PROM1: variants seen among roughly 807,000 people sequenced by gnomAD.
The protein encoded by PROM1 is prominin-1.
In PROM1, 105 loss-of-function variants were observed where a neutral mutation model predicts 116.9. The ratio of observed to expected loss-of-function variants is 0.90; its 90% CI spans 0.77 to 1.06. The LOEUF (loss-of-function observed/expected upper bound fraction) is 1.06. Ranked by LOEUF, PROM1 falls within the 50% of genes least tolerant of loss-of-function variation. PROM1 has a pLI of 0.00. For synonymous variants in PROM1, 393 were observed against 387.0 expected, an observed-to-expected ratio of 1.02 and a Z score of -0.18; for missense variants, 1,122 against 1,045.2, an observed-to-expected ratio of 1.07 and a Z score of -1.01.
chr4:16,041,781 A>T (rs58371353), intron 2 of PROM1, among the ~76,000 whole-genome samples: 1,749 of 56,254 alleles, frequency 0.031, 29 homozygotes, highest in African/African-American at 0.052. Context: ...TAAATAAATA[A>T]ATAAATATAT....
chr4:16,052,127 A>C (rs1439590110), intron 2 of PROM1, among the ~76,000 whole-genome samples: 1 of 152,174 alleles, frequency 6.6e-6, no homozygotes, highest in African/African-American at 2.4e-5. Context: ...CAGTGTGGAG[A>C]TGAAAAGGAA....
chr4:16,058,604 G>A (rs1301337749), intron 2 of PROM1, among the ~76,000 whole-genome samples: 1 of 149,596 alleles, frequency 6.7e-6, no homozygotes, highest in Non-Finnish European at 1.5e-5. Context: ...CCAAGATCAC[G>A]CCACTGCACT....
At chr4:16,042,336 C>A (rs969106080) in intron 2 of PROM1, among the ~76,000 whole-genome samples, 29 of 152,136 alleles carry the variant, frequency 1.9e-4, no homozygotes, top group Admixed American at 1.8e-3. Flanking sequence ...AATATGTCCA[C>A]ATTTGGGAGA....
chr4:16,060,926 C>T (rs1445313833), intron 2 of PROM1, among the ~76,000 whole-genome samples: 2 of 152,150 alleles, frequency 1.3e-5, no homozygotes, highest in Admixed American at 1.3e-4. Flanking sequence ...CTTCTCATTT[C>T]GGGTATACCC....
intron 10 of PROM1, among the ~76,000 whole-genome samples, chr4:16,013,731 G>A (rs891420734): frequency 4.0e-5 from 6 of 150,900 alleles, no homozygotes; most frequent in Admixed American, 3.9e-4. Flanking sequence ...GTTGTGGGGT[G>A]CTGCTGGGAT....
chr4:16,065,429 C>A (rs2149530773), intron 2 of PROM1, among the ~76,000 whole-genome samples: 1 of 152,092 alleles, frequency 6.6e-6, no homozygotes, highest in East Asian at 1.9e-4. Flanking sequence ...CTCTGATTGC[C>A]CCCACCATGA....
At chr4:15,976,533 G>A (rs1716176018) in intron 26 of PROM1, among the ~76,000 whole-genome samples, 2 of 152,210 alleles carry the variant, frequency 1.3e-5, no homozygotes, top group Non-Finnish European at 2.9e-5. Flanking sequence ...CTCACGTGGT[G>A]GCATAAGACA....
intron 8 of PROM1, among the ~76,000 whole-genome samples, chr4:16,021,098 C>CAAAAAA (rs34850856): frequency 3.1e-5 from 4 of 130,068 alleles, no homozygotes; most frequent in South Asian, 2.5e-4. Context: ...CATTTTTAGC[C>CAAAAAA]AAAAAAAAAA....
At chr4:16,034,807 G>A (rs1447334769) in intron 4 of PROM1, among the ~76,000 whole-genome samples, 1 of 152,216 alleles carries the variant, frequency 6.6e-6, no homozygotes, top group Non-Finnish European at 1.5e-5. Flanking sequence ...TCTTGGAGGA[G>A]AGACCTGCTT....
chr4:15,986,081 A>C (rs1176625856), intron 20 of PROM1, 44 bp from the exon 21 acceptor site: 7 of 1,362,726 alleles, frequency 5.1e-6, no homozygotes, highest in Non-Finnish European at 7.1e-6. Context: ...AGTCATAGAA[A>C]GTTTTAATTA....
At chr4:15,983,231 T>G (rs778144058) in intron 23 of PROM1, among the ~76,000 whole-genome samples, 1 of 152,022 alleles carries the variant, frequency 6.6e-6, no homozygotes, top group African/African-American at 2.4e-5. Context: ...AAAAAAGACA[T>G]GTTTGAGCTA....
At chr4:15,990,241 C>T (rs1026507621) in intron 18 of PROM1, among the ~76,000 whole-genome samples, 5 of 152,204 alleles carry the variant, frequency 3.3e-5, no homozygotes, top group South Asian at 4.1e-4. Context: ...GATGAGGAAA[C>T]TAAGGCAGAA....
chr4:16,031,353 A>G (rs1732657714), intron 5 of PROM1, among the ~76,000 whole-genome samples: 1 of 152,052 alleles, frequency 6.6e-6, no homozygotes, highest in Non-Finnish European at 1.5e-5. Context: ...CTTACAGGAA[A>G]CACACCAGGG....
At chr4:16,003,590 T>C (rs1724430783) in intron 13 of PROM1, among the ~76,000 whole-genome samples, 1 of 152,180 alleles carries the variant, frequency 6.6e-6, no homozygotes, top group Non-Finnish European at 1.5e-5. Flanking sequence ...TCCTTATCTC[T>C]GGAGAGGCCT....
chr4:16,049,398 G>A (rs1337194848), intron 2 of PROM1, among the ~76,000 whole-genome samples: 2 of 152,212 alleles, frequency 1.3e-5, no homozygotes, highest in African/African-American at 4.8e-5. Context: ...AGAAGCAGTT[G>A]TGAAGGGGAA....
intron 2 of PROM1, among the ~76,000 whole-genome samples, chr4:16,058,964 G>A (rs980418837): frequency 1.3e-5 from 2 of 152,134 alleles, no homozygotes; most frequent in African/African-American, 4.8e-5. Flanking sequence ...GCAGTACAGT[G>A]TCCAAAAAGG....
intron 5 of PROM1, among the ~76,000 whole-genome samples, chr4:16,028,856 G>C (rs1023424321): frequency 6.6e-6 from 1 of 152,158 alleles, no homozygotes; most frequent in Non-Finnish European, 1.5e-5. Flanking sequence ...GCAGAAGATA[G>C]GAATTTTTAT....
intron 7 of PROM1, among the ~76,000 whole-genome samples, chr4:16,023,903 G>A (rs1379670454): frequency 6.6e-6 from 1 of 152,176 alleles, no homozygotes; most frequent in African/African-American, 2.4e-5. Flanking sequence ...CTAAACCGTG[G>A]CATGCAGGGT....
intron 2 of PROM1, among the ~76,000 whole-genome samples, chr4:16,043,569 G>A (rs1455949134): frequency 6.6e-6 from 1 of 152,236 alleles, no homozygotes; most frequent in African/African-American, 2.4e-5. Flanking sequence ...TCCTCCAAGC[G>A]CAAGGCAAGA....
Sources: gnomAD v4.1 joint callset for allele counts (sites outside exome capture counted in the v4.1 genomes callset) on GRCh38, gnomAD v4.1.1 for gene constraint, MANE v1.5 for transcripts, NCBI Gene and HGNC (gene_info 2026-07-23, HGNC 2026-07-21) for gene names.